Variants in ZNF695 observed in about 807,000 individuals in gnomAD.
ZNF695 encodes the protein zinc finger protein 695.
A neutral mutation model predicts 11.2 loss-of-function variants in ZNF695; 11 were observed. The observed-to-expected ratio is 0.98, with a 90% CI of 0.62 to 1.62. ZNF695 has a LOEUF of 1.62. ZNF695 is among the 40% of genes most tolerant of loss of function. The probability of loss-of-function intolerance (pLI) is 0.00; values close to 1 mark genes in which losing one functional copy is unlikely to be tolerated. For missense variants in ZNF695, 559 were observed against 590.5 expected (o/e 0.95, Z 0.55); for synonymous variants, 190 against 201.4 (o/e 0.94, Z 0.48).
chr1:246,986,288 A>C lies in ZNF695; in HGVS notation c.*679T>G. The C allele has an allele frequency of 1.4e-5, 12 of 847,090 alleles. No homozygotes were observed. The highest frequency in any genetic ancestry group is 1.6e-5 in the Non-Finnish European group (11 of 704,086). 52.5% of individuals were successfully genotyped at this position (847,090 alleles called of 1,614,324 possible). A position where few individuals can be genotyped will look rare whatever the true frequency, so the allele number is the denominator to read the frequency against. On this transcript the variant is annotated 3_prime_UTR_variant, in exon 4 of 4. Transcript: ENST00000339986. The stretch of plus-strand genomic sequence containing the variant: ...TTGCCATGTTGCCCAGCCTGGTCCC[A>C]AACTCCTGGGCTCAAGCAATCCCCC...
intron 1 of ZNF695, among the ~76,000 whole-genome samples, chr1:247,006,487 T>C (rs1341403768): frequency 1.3e-5 from 2 of 152,054 alleles, no homozygotes; most frequent in African/African-American, 4.8e-5. Flanking sequence ...GGCGCCTGCC[T>C]GTATTCCCAG....
chr1:246,983,762 G>C (rs903422801), downstream of ZNF695, among the ~76,000 whole-genome samples: 1 of 152,142 alleles, frequency 6.6e-6, no homozygotes, highest in Non-Finnish European at 1.5e-5. Context: ...AAGTTGCAGT[G>C]AGCCAAGATT....
Position 246,945,941 on chromosome 1 carries a change from G to A in ZNF695, c.489-114C>T, listed in dbSNP as rs1445643041. The A allele has an allele frequency of 3.8e-6, 5 of 1,332,228 alleles. No homozygotes were observed. In the African/African-American group the frequency reaches 5.8e-5, roughly 16 times the overall value. The allele number at this position is 1,332,228 out of a possible 1,614,324, so 82.5% of individuals were successfully genotyped here. ...TTGAAGACTTGGTTCCATTGGAGAA[G>A]TCTGTCTGTCCCTTGCCATTTCAAA... On this transcript the variant is annotated intron_variant, in intron 5 of 5. Coordinates refer to the ZNF695 transcript ENST00000487338.
intron 5 of ZNF695, among the ~76,000 whole-genome samples, chr1:246,947,130 A>AAAGG (rs1667755010): frequency 8.1e-6 from 1 of 124,010 alleles, no homozygotes; most frequent in Admixed American, 8.5e-5. Flanking sequence ...ACAAAGCGAG[A>AAAGG]CTCCGTCAAA....
chr1:247,000,185 T>G, intron 1 of ZNF695, 111 bp from the exon 2 acceptor site: 2 of 888,320 alleles, frequency 2.3e-6, no homozygotes, highest in Non-Finnish European at 3.4e-6. Context: ...GTGACTAGAA[T>G]TATCAAATAA....
At chr1:246,949,140 T>C (rs1460146171) in intron 5 of ZNF695, among the ~76,000 whole-genome samples, 1 of 152,166 alleles carries the variant, frequency 6.6e-6, no homozygotes, top group Non-Finnish European at 1.5e-5. Context: ...ATTGGAGTAA[T>C]GAAACAGAAG....
At chr1:246,988,936 A>C (rs1024509437) in intron 3 of ZNF695, among the ~76,000 whole-genome samples, 26 of 151,496 alleles carry the variant, frequency 1.7e-4, no homozygotes, top group African/African-American at 6.3e-4. Flanking sequence ...TAAAAAATAC[A>C]AAAAAAAATT....
At chr1:246,950,484 T>C (rs754794441) in intron 5 of ZNF695, among the ~76,000 whole-genome samples, 13 of 152,008 alleles carry the variant, frequency 8.6e-5, no homozygotes, top group Non-Finnish European at 1.9e-4. Flanking sequence ...ATTTCATTTC[T>C]ACTAAAAACA....
At chr1:247,003,673 G>A (rs748532172) in intron 1 of ZNF695, among the ~76,000 whole-genome samples, 13 of 152,080 alleles carry the variant, frequency 8.5e-5, no homozygotes, top group Admixed American at 5.9e-4. Context: ...TATAGTTTTG[G>A]TAAACTAAAT....
intron 5 of ZNF695, among the ~76,000 whole-genome samples, chr1:246,956,407 G>C (rs1668003120): frequency 6.6e-6 from 1 of 151,166 alleles, no homozygotes; most frequent in Non-Finnish European, 1.5e-5. Flanking sequence ...CTTGAGGTCA[G>C]GAGTTTGAGA....
At position 246,986,793 on chromosome 1, in the gene ZNF695, T is replaced by C. The variant is rs973873725; in HGVS notation, c.*174A>G. On this transcript the variant is annotated 3_prime_UTR_variant, in exon 4 of 4. Coordinates refer to ENST00000339986, the MANE Select transcript of ZNF695 (RefSeq NM_020394.5). ...TAAGTGGAGGTGTTGAACCGGTCTA[T>C]TTGTATTGTTCGTAGCCTAAACATT... The C allele has an allele frequency of 5.1e-6, 7 of 1,378,226 alleles. No individual in the cohort carries two copies. The highest frequency in any genetic ancestry group is 6.5e-6 in the Non-Finnish European group (7 of 1,071,718). 85.4% of individuals were successfully genotyped at this position (1,378,226 alleles called of 1,614,324 possible).
At chr1:247,001,397 GT>G (rs1348562431) in intron 1 of ZNF695, among the ~76,000 whole-genome samples, 4 of 149,630 alleles carry the variant, frequency 2.7e-5, no homozygotes. Context: ...CCCTGTCTCT[GT>G]TTTAAAAAAA....
At chr1:246,998,139 A>C (rs1669261008) in intron 3 of ZNF695, among the ~76,000 whole-genome samples, 1 of 152,162 alleles carries the variant, frequency 6.6e-6, no homozygotes, top group African/African-American at 2.4e-5. Flanking sequence ...ACACCGTACA[A>C]TAGTTATCCA....
At position 246,986,800 on chromosome 1, in the gene ZNF695, T is replaced by C. The variant is rs536749758; in HGVS notation, c.*167A>G. 2.5e-4 allele frequency: 352 copies of C among 1,386,326 alleles called. 7 individuals are homozygous for C. The South Asian group carries it at 6.3e-3, about 25-fold the overall frequency. 85.9% of individuals were successfully genotyped at this position (1,386,326 alleles called of 1,614,324 possible). ...AGGTGTTGAACCGGTCTATTTGTAT[T>C]GTTCGTAGCCTAAACATTTTAGTGC... On this transcript the variant is annotated 3_prime_UTR_variant, in exon 4 of 4. Coordinates refer to ENST00000339986, the MANE Select transcript of ZNF695 (RefSeq NM_020394.5).
At chr1:246,981,442 GA>G (rs1668710052), downstream of ZNF695, among the ~76,000 whole-genome samples, 1 of 152,104 alleles carries the variant, frequency 6.6e-6, no homozygotes, top group Admixed American at 6.6e-5. Context: ...AATATTGAAA[GA>G]AATATTTCCC....
In ZNF695 at chr1:246,959,073, G is replaced by A. The variant is rs190970447; in HGVS notation, c.488+8622C>T. Reference sequence around the variant, plus strand: ...GGAGGCCAAGGTGGGATTGCTTGAGGCCAGGAGTTTCAGACAAGCCTGGGC... The same window carrying A: ...GGAGGCCAAGGTGGGATTGCTTGAGACCAGGAGTTTCAGACAAGCCTGGGC... On this transcript the variant is annotated intron_variant, in intron 5 of 5. Transcript: ENST00000487338. 1.5e-3 allele frequency among the ~76,000 whole-genome samples: 232 copies of A among 151,320 alleles called. 1 individual carries two copies. The highest frequency in any genetic ancestry group is 3.0e-3 in the Non-Finnish European group (205 of 67,862).
intron 5 of ZNF695, among the ~76,000 whole-genome samples, chr1:246,963,469 T>C (rs1668213415): frequency 1.3e-5 from 2 of 152,106 alleles, no homozygotes; most frequent in Admixed American, 1.3e-4. Context: ...CTTCCTGACT[T>C]GTAGAGCTTC....
chr1:246,976,612 G>A (rs947585669), intron 4 of ZNF695, among the ~76,000 whole-genome samples: 2 of 151,618 alleles, frequency 1.3e-5, no homozygotes, highest in African/African-American at 2.4e-5. Flanking sequence ...GGCTAACACG[G>A]TGAAACCCCG....
intron 3 of ZNF695, among the ~76,000 whole-genome samples, chr1:246,994,360 G>C (rs986242716): frequency 2.0e-5 from 3 of 151,988 alleles, no homozygotes; most frequent in African/African-American, 7.3e-5. Flanking sequence ...GGCCAACGTG[G>C]CAAAACCCTG....
Sources: gnomAD v4.1 joint callset for allele counts (sites outside exome capture counted in the v4.1 genomes callset) on GRCh38, gnomAD v4.1.1 for gene constraint, MANE v1.5 for transcripts, NCBI Gene and HGNC (gene_info 2026-07-23, HGNC 2026-07-21) for gene names.